NAV3: variants seen among roughly 807,000 people sequenced by gnomAD.
NAV3 encodes the protein pore membrane and/or filament interacting like protein 1.
Under a neutral mutation model 244.7 loss-of-function variants are expected in NAV3, and 87 were observed. The ratio of observed to expected loss-of-function variants is 0.36; its 90% CI spans 0.30 to 0.42. The LOEUF (loss-of-function observed/expected upper bound fraction) is 0.42, where lower values mean the gene tolerates loss of function less well. Among genes scored for constraint, NAV3 ranks in the 20% least tolerant of loss-of-function variants. The pLI is 1.00. For missense variants in NAV3, 2,663 were observed against 2,893.3 expected (o/e 0.92, Z 1.83); for synonymous variants, 1,126 against 1,042.2 (o/e 1.08, Z -1.55).
chr12:77,610,749 C>T (rs977923530), intron 2 of NAV3, among the ~76,000 whole-genome samples: 1 of 151,992 alleles, frequency 6.6e-6, no homozygotes, highest in African/African-American at 2.4e-5. Context: ...CAAAGTTCTG[C>T]TGAGTAGGCT....
At chr12:78,091,303 T>A (rs1953919747) in intron 12 of NAV3, among the ~76,000 whole-genome samples, 1 of 152,170 alleles carries the variant, frequency 6.6e-6, no homozygotes, top group African/African-American at 2.4e-5. Flanking sequence ...TTATGTTGGA[T>A]TCCTTGAAGG....
intron 1 of NAV3, among the ~76,000 whole-genome samples, chr12:77,849,921 C>T (rs1877249394): frequency 6.6e-6 from 1 of 152,064 alleles, no homozygotes; most frequent in Admixed American, 6.5e-5. Flanking sequence ...AGACAAGTGT[C>T]TCCTTTTTGT....
intron 1 of NAV3, among the ~76,000 whole-genome samples, chr12:77,842,745 C>G (rs1474515803): frequency 2.0e-5 from 3 of 151,942 alleles, no homozygotes; most frequent in African/African-American, 7.3e-5. Context: ...TATTACAATC[C>G]TTTCAGACCA....
intron 2 of NAV3, among the ~76,000 whole-genome samples, chr12:77,729,223 T>G (rs754074330): frequency 3.3e-5 from 5 of 151,930 alleles, no homozygotes; most frequent in Non-Finnish European, 5.9e-5. Context: ...AAGGATCAAG[T>G]GTATATTGAT....
chr12:77,925,678 C>T (rs980850990), intron 1 of NAV3, among the ~76,000 whole-genome samples: 3 of 152,022 alleles, frequency 2.0e-5, no homozygotes, highest in African/African-American at 7.2e-5. Context: ...CACTGTTAGC[C>T]GATGGTCTTG....
intron 2 of NAV3, among the ~76,000 whole-genome samples, chr12:77,726,214 T>C (rs1404728157): frequency 4.6e-5 from 7 of 151,978 alleles, no homozygotes; most frequent in African/African-American, 7.2e-5. Flanking sequence ...GTGTAATTTG[T>C]TTAGCATTTT....
chr12:77,914,379 A>G (rs1886920193), intron 1 of NAV3, among the ~76,000 whole-genome samples: 1 of 152,080 alleles, frequency 6.6e-6, no homozygotes, highest in Non-Finnish European at 1.5e-5. Context: ...CTTGTGCTTC[A>G]GCTGTCCTCT....
At chr12:77,925,713 C>A (rs1177040953) in intron 1 of NAV3, among the ~76,000 whole-genome samples, 6 of 152,036 alleles carry the variant, frequency 3.9e-5, no homozygotes, top group South Asian at 2.1e-4. Flanking sequence ...TAGCTCCTAC[C>A]CGTGGTGATG....
intron 2 of NAV3, among the ~76,000 whole-genome samples, chr12:77,756,176 T>G (rs772547395): frequency 3.3e-5 from 5 of 152,174 alleles, no homozygotes; most frequent in Non-Finnish European, 7.3e-5. Context: ...CCAGGTAGTT[T>G]TTTAATGCTT....
intron 1 of NAV3, among the ~76,000 whole-genome samples, chr12:77,936,190 C>T (rs994467897): frequency 3.3e-5 from 5 of 152,058 alleles, no homozygotes; most frequent in Admixed American, 1.3e-4. Flanking sequence ...ATAATAGGCC[C>T]CAAAATTCAT....
intron 3 of NAV3, among the ~76,000 whole-genome samples, chr12:77,957,476 A>C (rs1377275435): frequency 1.3e-5 from 2 of 152,238 alleles, no homozygotes; most frequent in African/African-American, 4.8e-5. Context: ...ACAAGATATT[A>C]CTTTGTTGAT....
rs183366576 is a variant in NAV3, at chr12:78,061,415, T to G, written c.2636+2300T>G. On this transcript the variant is annotated intron_variant, in intron 12 of 39. Coordinates refer to ENST00000397909, the MANE Select transcript of NAV3 (RefSeq NM_001024383.2). The stretch of plus-strand genomic sequence containing the variant: ...TTTTAAATTAGATCAAATAATGACT[T>G]GTTATACCTGAAATAAATTGGTTCA... Among the ~76,000 whole-genome samples the G allele has an allele frequency of 7.6e-4, 115 of 152,280 alleles. 1 individual carries two copies. Among genetic ancestry groups the G allele is most frequent in the Non-Finnish European group, 8.4e-4 (57 of 68,008 alleles).
At chr12:78,174,612 T>C (rs1053372581) in intron 24 of NAV3, among the ~76,000 whole-genome samples, 2 of 151,956 alleles carry the variant, frequency 1.3e-5, no homozygotes, top group Non-Finnish European at 2.9e-5. Context: ...TTACTATTAC[T>C]ATTCTATAAT....
intron 2 of NAV3, among the ~76,000 whole-genome samples, chr12:77,756,336 T>C (rs1249815670): frequency 2.0e-5 from 3 of 152,118 alleles, no homozygotes; most frequent in Non-Finnish European, 4.4e-5. Context: ...ATGCATATCA[T>C]GCTGATTTAA....
chr12:77,829,780 C>T (rs1191160572), upstream of NAV3, among the ~76,000 whole-genome samples: 1 of 152,144 alleles, frequency 6.6e-6, no homozygotes, highest in Admixed American at 6.6e-5. Flanking sequence ...GTTATTGGCT[C>T]TTTCATCTAT....
At chr12:77,660,039 G>T (rs1340971027) in intron 2 of NAV3, among the ~76,000 whole-genome samples, 1 of 151,814 alleles carries the variant, frequency 6.6e-6, no homozygotes, top group Non-Finnish European at 1.5e-5. Context: ...CAGTGCACCA[G>T]CATGTCACAT....
intron 6 of NAV3, among the ~76,000 whole-genome samples, chr12:77,998,040 T>C (rs184468708): frequency 2.2e-4 from 34 of 152,348 alleles, no homozygotes; most frequent in African/African-American, 7.9e-4. Flanking sequence ...ACAGTACTTT[T>C]AAGGCAAAGT....
chr12:78,107,311 G>T lies in NAV3; in HGVS notation c.2637-9461G>T, dbSNP rs537686404. 2.2e-3 allele frequency among the ~76,000 whole-genome samples: 337 copies of T among 152,122 alleles called. 1 individual carries two copies. Among genetic ancestry groups the T allele is most frequent in the Non-Finnish European group, 3.7e-3 (254 of 67,990 alleles). On this transcript the variant is annotated intron_variant, in intron 12 of 39. Coordinates refer to ENST00000397909, the MANE Select transcript of NAV3 (RefSeq NM_001024383.2). Reference sequence around the variant, plus strand: ...CCTGAGAGTGAAAAGACAAAGAAAAGATTAGAAAACCCACTTAATTAAATA... The same window carrying T: ...CCTGAGAGTGAAAAGACAAAGAAAATATTAGAAAACCCACTTAATTAAATA...
At chr12:78,091,763 T>G (rs549810677) in intron 12 of NAV3, 1 of 125,240 alleles carries the variant, frequency 8.0e-6, no homozygotes, top group South Asian at 2.6e-4. Context: ...GCCACTGCAC[T>G]CCAGCCTGGG....
Sources: allele counts gnomAD v4.1 joint callset (sites outside exome capture counted in the v4.1 genomes callset), GRCh38; gene constraint gnomAD v4.1.1; transcripts MANE v1.5; gene names NCBI Gene and HGNC (gene_info 2026-07-23, HGNC 2026-07-21).